Variants in HECTD4 observed in about 807,000 individuals in gnomAD.
HECTD4 encodes probable E3 ubiquitin-protein ligase HECTD4.
Under a neutral mutation model 471.5 loss-of-function variants are expected in HECTD4, and 114 were observed. The ratio of observed to expected loss-of-function variants is 0.24; its 90% CI spans 0.21 to 0.28. HECTD4 has a LOEUF of 0.28. Among genes scored for constraint, HECTD4 ranks in the 10% least tolerant of loss-of-function variants. HECTD4 has a pLI of 1.00. For synonymous variants in HECTD4, 2,012 were observed against 2,256.0 expected, an observed-to-expected ratio of 0.89 and a Z score of 3.07; for missense variants, 3,866 against 5,651.5, an observed-to-expected ratio of 0.68 and a Z score of 10.13.
chr12:112,239,809 T>C lies in HECTD4; in HGVS notation c.5105+72A>G. 1 of 1,412,716 alleles carries C rather than the reference T, an allele frequency of 7.1e-7. No individual in the cohort carries two copies. The highest frequency in any genetic ancestry group is 2.3e-5 in the East Asian group (1 of 43,096). 87.5% of individuals were successfully genotyped at this position (1,412,716 alleles called of 1,614,324 possible). On this transcript the variant is annotated intron_variant, in intron 33 of 75. Transcript: ENST00000682272. The surrounding 1 kb of genome is among the most constrained non-coding windows in gnomAD (Gnocchi z 4.9). ...AAGCAAAAAATCCAATTTTTAAAAT[T>C]AAAAATACTTTCACTTAATCGACTA... is the stretch of plus-strand genomic sequence containing the variant.
At chr12:112,379,204 T>A (rs1293681976) in intron 1 of HECTD4, among the ~76,000 whole-genome samples, 4 of 152,238 alleles carry the variant, frequency 2.6e-5, no homozygotes, top group African/African-American at 9.6e-5. Context: ...TAAAATATTA[T>A]GATGAGGAGC....
chr12:112,262,409 G>A (rs752703820), intron 17 of HECTD4, among the ~76,000 whole-genome samples: 5 of 150,858 alleles, frequency 3.3e-5, no homozygotes, highest in Non-Finnish European at 2.9e-5. Context: ...CCAGCTACTC[G>A]GGAGGCTGAG....
chr12:112,204,889 T>G (rs1257247071), intron 52 of HECTD4, among the ~76,000 whole-genome samples: 1 of 152,028 alleles, frequency 6.6e-6, no homozygotes, highest in Non-Finnish European at 1.5e-5. Context: ...TCCCAGCACG[T>G]TGGGAGGCTG....
chr12:112,228,699 G>A lies in HECTD4; in HGVS notation c.6632C>T (p.Ala2211Val), dbSNP rs2033301421. 3.1e-6 allele frequency: 5 copies of A among 1,613,420 alleles called. No homozygotes were observed. Among genetic ancestry groups the A allele is most frequent in the East Asian group, 2.2e-5 (1 of 44,878 alleles). Residue 2211 changes from alanine to valine, a missense_variant, in exon 42 of 76, where the codon GCG (alanine) becomes GTG (valine). Ala to Val is a moderately conservative substitution (Grantham distance 64, BLOSUM62 0). Around this residue, in one of 16 missense-constraint regions of HECTD4, gnomAD observed 617 missense variants for 915.1 expected, o/e 0.67. Transcript: ENST00000682272. This position sits in a 1 kb window ranked among gnomAD's most constrained non-coding sequence, Gnocchi z 4.9. ...PPIDCRKTSQASDTLTIPLSR... is the reference protein window; with the variant it reads ...PPIDCRKTSQVSDTLTIPLSR... Reference sequence around the variant, plus strand: ...CAATGGAATAGTCAATGTGTCTGACGCTTGCGAAGTCTTTCTACAGTCTAT... The same window carrying A: ...CAATGGAATAGTCAATGTGTCTGACACTTGCGAAGTCTTTCTACAGTCTAT...
intron 7 of HECTD4, among the ~76,000 whole-genome samples, chr12:112,292,270 C>T (rs931024250): frequency 2.6e-5 from 4 of 152,330 alleles, no homozygotes; most frequent in African/African-American, 9.6e-5. Flanking sequence ...GTCTGTAATG[C>T]TCTTCTGCCA....
At chr12:112,216,077 G>A (rs979863857) in intron 48 of HECTD4, among the ~76,000 whole-genome samples, 9 of 152,168 alleles carry the variant, frequency 5.9e-5, no homozygotes, top group Admixed American at 1.3e-4. Context: ...AAAAGTACAC[G>A]TAACTCTGGA....
intron 48 of HECTD4, among the ~76,000 whole-genome samples, chr12:112,216,018 A>G (rs1453876631): frequency 6.6e-6 from 1 of 152,194 alleles, no homozygotes; most frequent in Non-Finnish European, 1.5e-5. Context: ...ATGAAAGACT[A>G]AACTTCAGAT....
In HECTD4 at chr12:112,250,261, A is replaced by T. The variant is rs752712007; in HGVS notation, c.3833T>A (p.Leu1278His). 1 of 1,613,996 alleles carries T rather than the reference A, an allele frequency of 6.2e-7. No individual in the cohort carries two copies. The highest frequency in any genetic ancestry group is 8.5e-7 in the Non-Finnish European group (1 of 1,179,860). The change falls in exon 25 of 76, where the codon CTC (leucine) becomes CAC (histidine). Residue 1278 changes from leucine (L) to histidine (H), a missense_variant. By Grantham distance (99) the Leu-to-His change is moderately conservative (BLOSUM62 -3). Coordinates refer to ENST00000682272, the MANE Select transcript of HECTD4 (RefSeq NM_001388303.1). ...DREFTYPSDV[L>H]VPPVGNYFDL... ...AAAGTAGTTTCCAACAGGAGGCACGAGGACATCAGAGGGGTAGGTGAATTC... is the reference window on the plus strand; with the variant it reads ...AAAGTAGTTTCCAACAGGAGGCACGTGGACATCAGAGGGGTAGGTGAATTC...
rs902070831 is a variant in HECTD4 at position 112,261,204 on chromosome 12, A to C, written c.2873+101T>G. 6 of 1,273,570 alleles carry C rather than the reference A, an allele frequency of 4.7e-6. No homozygotes were observed. The East Asian group carries it at 1.6e-4, about 34-fold the overall frequency. The allele number at this position is 1,273,570 out of a possible 1,614,324, so 78.9% of individuals were successfully genotyped here. A position where few individuals can be genotyped will look rare whatever the true frequency, so the allele number is the denominator to read the frequency against. Reference sequence around the variant, plus strand: ...AGCCTATTCTCACAAAAATCTCTCTATATAAAATTGATCCTTCTATATTCT... The same window carrying C: ...AGCCTATTCTCACAAAAATCTCTCTCTATAAAATTGATCCTTCTATATTCT... On this transcript the variant is annotated intron_variant, in intron 18 of 75. Transcript: ENST00000682272.
At chr12:112,351,112 T>C (rs1255359608) in intron 1 of HECTD4, among the ~76,000 whole-genome samples, 1 of 152,208 alleles carries the variant, frequency 6.6e-6, no homozygotes, top group Non-Finnish European at 1.5e-5. Flanking sequence ...TTATTTCCCA[T>C]GTCTTGCAGA....
At chr12:112,225,351 T>C (rs1593950278) in intron 44 of HECTD4, among the ~76,000 whole-genome samples, 1 of 140,166 alleles carries the variant, frequency 7.1e-6, no homozygotes, top group South Asian at 2.2e-4. Context: ...AAAAAGAGGA[T>C]GAACCTACAA....
intron 20 of HECTD4, among the ~76,000 whole-genome samples, chr12:112,258,088 C>T (rs1405969519): frequency 6.6e-6 from 1 of 151,804 alleles, no homozygotes; most frequent in East Asian, 1.9e-4. Context: ...ACTCATGAGG[C>T]TGAGACAGGA....
chr12:112,224,262 A>G (rs565238787), intron 44 of HECTD4, among the ~76,000 whole-genome samples: 3 of 151,824 alleles, frequency 2.0e-5, no homozygotes, highest in African/African-American at 7.2e-5. Flanking sequence ...TGAGTTATTA[A>G]GGATTCTTTT....
chr12:112,237,343 A>T (rs2033535427), intron 34 of HECTD4, among the ~76,000 whole-genome samples: 2 of 152,208 alleles, frequency 1.3e-5, no homozygotes, highest in Admixed American at 1.3e-4. Flanking sequence ...ACATAACCAA[A>T]GAACATACTT....
At position 112,163,008 on chromosome 12, in the gene HECTD4, C is replaced by A. The variant is rs1480976108; in HGVS notation, c.13120+34G>T. On this transcript the variant is annotated intron_variant, in intron 75 of 75. Coordinates refer to ENST00000682272, the MANE Select transcript of HECTD4 (RefSeq NM_001388303.1). This position sits in a 1 kb window ranked among gnomAD's most constrained non-coding sequence, Gnocchi z 8.2. ...TCCAAACAGAGAAAGGCTAGTGTGT[C>A]CCTACTTGGGACATGGCCAGGGGAG... 2 of 1,502,236 alleles carry A rather than the reference C, an allele frequency of 1.3e-6. No homozygotes were observed. Among genetic ancestry groups the A allele is most frequent in the African/African-American group, 1.4e-5 (1 of 73,106 alleles). The allele number at this position is 1,502,236 out of a possible 1,614,324, so 93.1% of individuals were successfully genotyped here. A position where few individuals can be genotyped will look rare whatever the true frequency, so the allele number is the denominator to read the frequency against.
Position 112,228,049 on chromosome 12 carries a change from A to C in HECTD4, c.6854+40T>G. The C allele has an allele frequency of 6.5e-7, 1 of 1,536,326 alleles. No individual in the cohort carries two copies. Among genetic ancestry groups the C allele is most frequent in the Non-Finnish European group, 8.7e-7 (1 of 1,144,196 alleles). ...AGGATCCCTTCTTCTGTCAGCTTGC[A>C]CCATGTCAGCACATAAGGCAATGTG... is the stretch of plus-strand genomic sequence containing the variant. On this transcript the variant is annotated intron_variant, in intron 43 of 75. Coordinates refer to ENST00000682272, the MANE Select transcript of HECTD4 (RefSeq NM_001388303.1). The surrounding 1 kb of genome is among the most constrained non-coding windows in gnomAD (Gnocchi z 4.9).
Position 112,382,287 on chromosome 12 carries a change from G to A in HECTD4, c.-159C>T. On this transcript the variant is annotated 5_prime_UTR_variant, in exon 1 of 76. Coordinates refer to ENST00000682272, the MANE Select transcript of HECTD4 (RefSeq NM_001388303.1). ...TGCAACTCCGCCCTAGGCGGTCCGA[G>A]TCGCCATACCCCCGACCCCGGCCCG... 1.7e-6 allele frequency: 1 copy of A among 592,128 alleles called. No homozygotes were observed. The highest frequency in any genetic ancestry group is 2.4e-6 in the Non-Finnish European group (1 of 415,068). 36.7% of individuals were successfully genotyped at this position (592,128 alleles called of 1,614,324 possible).
At chr12:112,167,948 G>C in intron 70 of HECTD4, 31 bp from the exon 71 acceptor site, 1 of 1,550,970 alleles carries the variant, frequency 6.4e-7, no homozygotes, top group Non-Finnish European at 8.9e-7. Context: ...ATGGGCACCT[G>C]GGGTGTCCCG....
intron 1 of HECTD4, among the ~76,000 whole-genome samples, chr12:112,379,300 A>G (rs1032159337): frequency 1.3e-5 from 2 of 152,246 alleles, no homozygotes; most frequent in Non-Finnish European, 2.9e-5. Context: ...CACTTCCTTC[A>G]TCTGTACAAT....
Sources: allele counts gnomAD v4.1 joint callset (sites outside exome capture counted in the v4.1 genomes callset), GRCh38; gene constraint gnomAD v4.1.1; regional missense constraint gnomAD v4.1.1; non-coding constraint Gnocchi (gnomAD v3.1); transcripts MANE v1.5; gene names NCBI Gene and HGNC (gene_info 2026-07-23, HGNC 2026-07-21).